The following ZFAT variants were observed in gnomAD, a reference collection of about 807,000 sequenced individuals.
The protein encoded by ZFAT is zinc finger protein ZFAT.
ZFAT carries 64 observed loss-of-function variants against 117.7 expected under a neutral mutation model. The observed-to-expected ratio is 0.54, with a 90% CI of 0.44 to 0.67. The LOEUF (loss-of-function observed/expected upper bound fraction) is 0.67. ZFAT is among the 30% of genes least tolerant of loss of function. The pLI is 0.00. For synonymous variants in ZFAT, 679 were observed against 615.0 expected (o/e 1.10, Z -1.54); for missense variants, 1,433 against 1,584.5 (o/e 0.90, Z 1.62).
At chr8:134,784,409 TAA>T in the ZFAT span, 1 of 152,144 alleles carries the variant, frequency 6.6e-6, no homozygotes, top group African/African-American at 2.4e-5. Context: ...TGGAAATATA[TAA>T]AATATGCGAT....
At chr8:134,725,999 C>T in the ZFAT span, among the ~76,000 whole-genome samples, 2 of 152,208 alleles carry the variant, frequency 1.3e-5, no homozygotes, top group South Asian at 2.1e-4. Context: ...TCATTCTTCT[C>T]CTTTAAGACC....
At chr8:134,821,415 G>C in the ZFAT span, among the ~76,000 whole-genome samples, 1 of 152,056 alleles carries the variant, frequency 6.6e-6, no homozygotes, top group South Asian at 2.1e-4. Context: ...ATTCAGCAAT[G>C]GTCAGACCAC....
At chr8:134,772,150 A>C in the ZFAT span, among the ~76,000 whole-genome samples, 5 of 152,234 alleles carry the variant, frequency 3.3e-5, no homozygotes, top group African/African-American at 7.2e-5. Flanking sequence ...AAGCCAATTA[A>C]TAACTACAAT....
intron 3 of ZFAT, among the ~76,000 whole-genome samples, chr8:134,635,049 G>C (rs1019689709): frequency 1.3e-5 from 2 of 152,212 alleles, no homozygotes; most frequent in Non-Finnish European, 2.9e-5. Context: ...CAGCTGATCT[G>C]TCAGGAGGCA....
the ZFAT span, among the ~76,000 whole-genome samples, chr8:134,777,605 A>T: frequency 6.6e-6 from 1 of 152,180 alleles, no homozygotes; most frequent in East Asian, 1.9e-4. Flanking sequence ...GACATAGTAG[A>T]TGCTATTTAA....
rs4909619 is a variant in ZFAT, at chr8:134,488,530, G to A, written c.3493-9809C>T. On this transcript the variant is annotated intron_variant, in intron 15 of 15. Coordinates refer to ENST00000377838, the MANE Select transcript of ZFAT (RefSeq NM_020863.4). ...CATCTCTGAAAGCCACCCACTCTCT[G>A]CTTTGGAGTGTCACATCTCTCATGT... Among the ~76,000 whole-genome samples, 39 of 152,334 alleles carry A rather than the reference G, an allele frequency of 2.6e-4. 1 individual carries two copies. In the South Asian group the frequency reaches 8.1e-3, roughly 32 times the overall value.
At chr8:134,671,670 A>G (rs1586927800) in intron 1 of ZFAT, among the ~76,000 whole-genome samples, 1 of 152,354 alleles carries the variant, frequency 6.6e-6, no homozygotes, top group East Asian at 1.9e-4. Flanking sequence ...AAAAACTGGA[A>G]GCATTCCCTT....
At chr8:134,733,896 C>T in the ZFAT span, among the ~76,000 whole-genome samples, 1 of 152,214 alleles carries the variant, frequency 6.6e-6, no homozygotes, top group East Asian at 1.9e-4. Context: ...CTCAAAGGCC[C>T]TCTCATTCAG....
chr8:134,751,116 G>A, the ZFAT span, among the ~76,000 whole-genome samples: 1 of 151,880 alleles, frequency 6.6e-6, no homozygotes, highest in Non-Finnish European at 1.5e-5. Context: ...ACAATTAACT[G>A]CAGCAGGAAA....
At chr8:134,649,197 A>C (rs938768714) in intron 2 of ZFAT, among the ~76,000 whole-genome samples, 4 of 150,760 alleles carry the variant, frequency 2.7e-5, no homozygotes, top group Admixed American at 6.6e-5. Context: ...ACACACACAC[A>C]CACACCCCAT....
intron 1 of ZFAT, among the ~76,000 whole-genome samples, chr8:134,682,842 C>A (rs1363714053): frequency 6.6e-6 from 1 of 152,156 alleles, no homozygotes; most frequent in Non-Finnish European, 1.5e-5. Flanking sequence ...AGGCTGTAAG[C>A]CTGGCTTCTG....
chr8:134,596,356 CA>C (rs1433659263), intron 7 of ZFAT, among the ~76,000 whole-genome samples: 1 of 152,226 alleles, frequency 6.6e-6, no homozygotes, highest in Non-Finnish European at 1.5e-5. Context: ...CCTGTAACTT[CA>C]AATTCCCAGT....
At chr8:134,555,779 C>T (rs6578235) in intron 11 of ZFAT, among the ~76,000 whole-genome samples, 53,180 of 150,672 alleles carry the variant, frequency 0.35, 9,668 homozygotes, top group East Asian at 0.67. Context: ...AACAAAAACA[C>T]TGAAGTAACT....
chr8:134,532,795 G>A, intron 12 of ZFAT, 39 bp downstream of exon 12: 1 of 1,602,022 alleles, frequency 6.2e-7, no homozygotes, highest in Non-Finnish European at 8.5e-7. Flanking sequence ...GGCCTAAAAG[G>A]AAGCGGGCAG....
At chr8:134,622,568 A>C (rs1829200230) in intron 3 of ZFAT, among the ~76,000 whole-genome samples, 1 of 152,096 alleles carries the variant, frequency 6.6e-6, no homozygotes, top group Admixed American at 6.5e-5. Flanking sequence ...TTAAGGGCAG[A>C]TAATAAGCAA....
chr8:134,690,345 C>T (rs999363940), intron 1 of ZFAT, among the ~76,000 whole-genome samples: 2 of 152,148 alleles, frequency 1.3e-5, no homozygotes, highest in African/African-American at 4.8e-5. Flanking sequence ...AGGCAGATGA[C>T]GGACGAATAT....
At chr8:134,762,540 G>C in the ZFAT span, among the ~76,000 whole-genome samples, 1 of 152,058 alleles carries the variant, frequency 6.6e-6, no homozygotes. Context: ...GATTTCATTG[G>C]CCTCTTCTCA....
the ZFAT span, among the ~76,000 whole-genome samples, chr8:134,761,315 T>C: frequency 6.6e-6 from 1 of 152,050 alleles, no homozygotes; most frequent in Non-Finnish European, 1.5e-5. Flanking sequence ...CAAGCATTTG[T>C]GATACATGCA....
the ZFAT span, among the ~76,000 whole-genome samples, chr8:134,798,762 T>C: frequency 6.6e-6 from 1 of 152,082 alleles, no homozygotes; most frequent in African/African-American, 2.4e-5. Context: ...ACACTAGAAT[T>C]AGGAATTTAA....
Sources: gnomAD v4.1 joint callset for allele counts (sites outside exome capture counted in the v4.1 genomes callset) on GRCh38, gnomAD v4.1.1 for gene constraint, MANE v1.5 for transcripts, NCBI Gene and HGNC (gene_info 2026-07-23, HGNC 2026-07-21) for gene names.